The following PTBP3 variants were observed in gnomAD, a reference collection of about 807,000 sequenced individuals.
The protein encoded by PTBP3 is polypyrimidine tract binding protein 3, also known as polypyrimidine tract-binding protein 3.
PTBP3 carries 20 observed loss-of-function variants against 58.7 expected under a neutral mutation model. The observed-to-expected ratio is 0.34, with a 90% CI of 0.24 to 0.50. The LOEUF is 0.50. Ranked by LOEUF, PTBP3 falls within the 20% of genes least tolerant of loss-of-function variation. The probability of loss-of-function intolerance (pLI) is 0.98; values close to 1 mark genes in which losing one functional copy is unlikely to be tolerated. For missense variants in PTBP3, 509 were observed against 637.2 expected (o/e 0.80, Z 2.17); for synonymous variants, 185 against 219.8 (o/e 0.84, Z 1.40).
chr9:112,237,091 A>G, intron 7 of PTBP3, among the ~76,000 whole-genome samples: 1 of 152,172 alleles, frequency 6.6e-6, no homozygotes, highest in East Asian at 1.9e-4. Context: ...TTTTGAGATA[A>G]CTATCATAGA....
chr9:112,233,310 T>C (rs1326757653), intron 8 of PTBP3, among the ~76,000 whole-genome samples: 1 of 124,072 alleles, frequency 8.1e-6, no homozygotes, highest in Non-Finnish European at 1.7e-5. Context: ...TGTGTGTGTG[T>C]GTGTGTATCT....
chr9:112,229,457 C>T (rs1435877111), intron 10 of PTBP3, among the ~76,000 whole-genome samples: 4 of 151,326 alleles, frequency 2.6e-5, no homozygotes, highest in African/African-American at 7.3e-5. Flanking sequence ...CCCAGCTACT[C>T]GGGAGGCTGA....
In PTBP3 at chr9:112,276,490, ATAAAGTTTATT is replaced by A. The variant is rs1240295039; in HGVS notation, c.35-488_35-478del. ...GGATTTGAATTGTATATTTATTAAA[ATAAAGTTTATT>A]TCTTGGGTGCTAATAGTCTTTATTT... On this transcript the variant is annotated intron_variant, in intron 2 of 13. Transcript: ENST00000374257. Among the ~76,000 whole-genome samples the A allele has an allele frequency of 3.9e-5, 6 of 152,168 alleles. No homozygotes were observed. The East Asian group carries it at 1.2e-3, about 30-fold the overall frequency.
chr9:112,256,274 T>TATATATAC (rs1258874577), intron 5 of PTBP3, among the ~76,000 whole-genome samples: 644 of 59,830 alleles, frequency 0.011, 2 homozygotes, highest in African/African-American at 0.024. Context: ...AAAAACAAAA[T>TATATATAC]ATATATATAT....
chr9:112,303,837 C>G (rs1829052200), intron 1 of PTBP3, among the ~76,000 whole-genome samples: 1 of 148,450 alleles, frequency 6.7e-6, no homozygotes, highest in African/African-American at 2.5e-5. Context: ...ATATTCCAGC[C>G]TGGGCGACAG....
intron 7 of PTBP3, 66 bp downstream of exon 7, chr9:112,250,863 T>A (rs1836083270): frequency 2.9e-6 from 4 of 1,394,860 alleles, no homozygotes; most frequent in African/African-American, 1.5e-5. Flanking sequence ...TAAACATACA[T>A]GGCTTAATAA....
intron 3 of PTBP3, among the ~76,000 whole-genome samples, 170 bp from the exon 4 acceptor site, chr9:112,268,365 G>A (rs565451909): frequency 1.1e-4 from 17 of 152,252 alleles, no homozygotes; most frequent in African/African-American, 3.9e-4. Flanking sequence ...TATCATGGAC[G>A]TTAATTAAAA....
chr9:112,344,302 G>T, the PTBP3 span, among the ~76,000 whole-genome samples: 2 of 152,056 alleles, frequency 1.3e-5, no homozygotes, highest in African/African-American at 4.8e-5. Flanking sequence ...TTGGGAGATG[G>T]GGACCGTTAG....
At chr9:112,377,513 G>C in the PTBP3 span, among the ~76,000 whole-genome samples, 1 of 152,162 alleles carries the variant, frequency 6.6e-6, no homozygotes, top group Non-Finnish European at 1.5e-5. Context: ...AAGCTTAGTT[G>C]TTCAGCTCTT....
At chr9:112,362,124 A>T in the PTBP3 span, among the ~76,000 whole-genome samples, 8 of 152,122 alleles carry the variant, frequency 5.3e-5, no homozygotes, top group African/African-American at 1.9e-4. Flanking sequence ...GGATTGCTTG[A>T]GTTCAGGAGT....
At chr9:112,367,398 G>A in the PTBP3 span, among the ~76,000 whole-genome samples, 11 of 152,148 alleles carry the variant, frequency 7.2e-5, no homozygotes, top group Non-Finnish European at 1.5e-4. Context: ...AGCAGATGTA[G>A]TGGTGATGAA....
At chr9:112,238,664 C>G (rs1250902006) in intron 7 of PTBP3, among the ~76,000 whole-genome samples, 1 of 151,424 alleles carries the variant, frequency 6.6e-6, no homozygotes, top group Non-Finnish European at 1.5e-5. Flanking sequence ...AGGAAAATCC[C>G]TAAAGAACAG....
the PTBP3 span, among the ~76,000 whole-genome samples, chr9:112,340,325 T>C: frequency 6.6e-6 from 1 of 152,200 alleles, no homozygotes; most frequent in African/African-American, 2.4e-5. Flanking sequence ...TTCCTCAGCA[T>C]TACCAATTCG....
At chr9:112,270,866 G>A (rs1004981769) in intron 3 of PTBP3, among the ~76,000 whole-genome samples, 1 of 152,198 alleles carries the variant, frequency 6.6e-6, no homozygotes, top group Non-Finnish European at 1.5e-5. Flanking sequence ...AGCCCAGGCT[G>A]GAGAGCAGTA....
chr9:112,363,373 G>A, the PTBP3 span, among the ~76,000 whole-genome samples: 9 of 152,064 alleles, frequency 5.9e-5, no homozygotes, highest in African/African-American at 1.7e-4. Context: ...GGTGAGACCT[G>A]TCTCTACAAA....
At chr9:112,354,363 C>T in the PTBP3 span, among the ~76,000 whole-genome samples, 2 of 152,118 alleles carry the variant, frequency 1.3e-5, no homozygotes, top group East Asian at 3.8e-4. Context: ...AGGGCACTGG[C>T]AAATGTTCAG....
intron 1 of PTBP3, among the ~76,000 whole-genome samples, chr9:112,308,806 A>C (rs959534446): frequency 6.6e-6 from 1 of 152,112 alleles, no homozygotes; most frequent in South Asian, 2.1e-4. Flanking sequence ...GCAAATTTAC[A>C]TAAGTCCAGC....
the PTBP3 span, among the ~76,000 whole-genome samples, chr9:112,367,217 AAAC>A: frequency 6.6e-6 from 1 of 152,222 alleles, no homozygotes; most frequent in East Asian, 1.9e-4. Flanking sequence ...ATACATAAAA[AAAC>A]TTTAGACTAC....
At chr9:112,308,436 T>A (rs10981354) in intron 1 of PTBP3, among the ~76,000 whole-genome samples, 1 of 151,510 alleles carries the variant, frequency 6.6e-6, no homozygotes, top group South Asian at 2.1e-4. Context: ...CTGCATTTAA[T>A]TACAGACTAC....
Sources: gnomAD v4.1 joint callset for allele counts (sites outside exome capture counted in the v4.1 genomes callset) on GRCh38, gnomAD v4.1.1 for gene constraint, MANE v1.5 for transcripts, NCBI Gene and HGNC (gene_info 2026-07-23, HGNC 2026-07-21) for gene names.